The following ABHD16A variants were observed in gnomAD, a reference collection of about 807,000 sequenced individuals.
ABHD16A encodes abhydrolase domain containing 16A, phospholipase, also known as phosphatidylserine lipase ABHD16A.
ABHD16A carries 47 observed loss-of-function variants against 89.8 expected under a neutral mutation model. The observed-to-expected ratio is 0.52, with a 90% CI of 0.41 to 0.67. The LOEUF is 0.67. ABHD16A is among the 30% of genes least tolerant of loss of function. The pLI is 0.00. For synonymous variants in ABHD16A, 251 were observed against 280.4 expected (o/e 0.90, Z 1.05); for missense variants, 580 against 734.6 (o/e 0.79, Z 2.43).
intron 2 of ABHD16A, 82 bp downstream of exon 2, chr6:31,701,992 G>A (rs1184731341): frequency 2.6e-5 from 39 of 1,511,684 alleles, no homozygotes; most frequent in Non-Finnish European, 3.5e-5. Context: ...GGGCACTGTT[G>A]CTCCCAAGTT....
At position 31,703,064 on chromosome 6, in the gene ABHD16A, T is replaced by A. The variant is rs1805184774; in HGVS notation, c.132+86A>T. 4 of 1,370,316 alleles carry A rather than the reference T, an allele frequency of 2.9e-6. No individual in the cohort carries two copies. The African/African-American group carries it at 5.9e-5, about 20-fold the overall frequency. 84.9% of individuals were successfully genotyped at this position (1,370,316 alleles called of 1,614,324 possible). A position where few individuals can be genotyped will look rare whatever the true frequency, so the allele number is the denominator to read the frequency against. On this transcript the variant is annotated intron_variant, in intron 1 of 19. Transcript: ENST00000395952. ...GCTTGACAAGCAGGCTCCCCTTATT[T>A]CCCATTATGGGCACTTCTGGGGAGC...
rs1263191650 is a variant in ABHD16A, at chr6:31,703,238, T to C, written c.44A>G (p.Lys15Arg). 1.4e-6 allele frequency: 2 copies of C among 1,435,524 alleles called. No individual in the cohort carries two copies. The highest frequency in any genetic ancestry group is 1.5e-5 in the African/African-American group (1 of 67,692). The allele number at this position is 1,435,524 out of a possible 1,614,324, so 88.9% of individuals were successfully genotyped here. A position where few individuals can be genotyped will look rare whatever the true frequency, so the allele number is the denominator to read the frequency against. Residue 15 changes from lysine to arginine, a missense_variant, in exon 1 of 20, where the codon AAA becomes AGA. Physicochemically the swap from Lys to Arg is conservative, Grantham distance 26. Around this residue, in one of 2 missense-constraint regions of ABHD16A, gnomAD observed 165 missense variants for 165.8 expected, o/e 1.00. Coordinates refer to ENST00000395952, the MANE Select transcript of ABHD16A (RefSeq NM_021160.3). ...TTCAGAGTCCCTCTCCCGGTAGATT[T>C]TGTAGAGCCGGGGGCCTAGGACGCA... ...LSCVLGPRLY[K>R]IYRERDSERA...
chr6:31,687,434 C>G lies in ABHD16A; in HGVS notation c.1593+64G>C. ...CACTTCCAATGCTTATAGGGTATCC[C>G]CAGTCCCCCTATGTGAGCCCTGGCC... On this transcript the variant is annotated intron_variant, in intron 19 of 19. Coordinates refer to ENST00000395952, the MANE Select transcript of ABHD16A (RefSeq NM_021160.3). The surrounding 1 kb of genome is among the most constrained non-coding windows in gnomAD (Gnocchi z 6.3). 11 of 1,608,676 alleles carry G rather than the reference C, an allele frequency of 6.8e-6. No homozygotes were observed. The highest frequency in any genetic ancestry group is 9.4e-6 in the Non-Finnish European group (11 of 1,175,982).
In ABHD16A at chr6:31,690,954, C is replaced by T. The variant is rs2151229509; in HGVS notation, c.844-352G>A. The stretch of plus-strand genomic sequence containing the variant: ...TTGCTATTGTGTGGTATGCTGATTG[C>T]TCTCCCTATCCCTCTCTGAGCTCCA... On this transcript the variant is annotated intron_variant, in intron 9 of 19. Transcript: ENST00000395952. This position sits in a 1 kb window ranked among gnomAD's most constrained non-coding sequence, Gnocchi z 4.1. Among the ~76,000 whole-genome samples, 1 of 152,242 alleles carries T rather than the reference C, an allele frequency of 6.6e-6. No individual in the cohort carries two copies. Among genetic ancestry groups the T allele is most frequent in the Middle Eastern group, 3.4e-3 (1 of 294 alleles).
chr6:31,687,167 T>C lies in ABHD16A; in HGVS notation c.*45A>G. Reference sequence around the variant, plus strand: ...TCACAAATAAGAGGGTCTTTCCTCATGTCTCCTCTCACCCCATTCTTCCAT... The same window carrying C: ...TCACAAATAAGAGGGTCTTTCCTCACGTCTCCTCTCACCCCATTCTTCCAT... On this transcript the variant is annotated 3_prime_UTR_variant, in exon 20 of 20. Transcript: ENST00000395952. This position sits in a 1 kb window ranked among gnomAD's most constrained non-coding sequence, Gnocchi z 6.3. 6.5e-7 allele frequency: 1 copy of C among 1,540,132 alleles called. No homozygotes were observed. The highest frequency in any genetic ancestry group is 8.9e-7 in the Non-Finnish European group (1 of 1,117,532).
In ABHD16A at chr6:31,690,708, G is replaced by A. The variant is rs914927487; in HGVS notation, c.844-106C>T. The A allele has an allele frequency of 1.1e-4, 108 of 1,008,606 alleles. No homozygotes were observed. Among genetic ancestry groups the A allele is most frequent in the Non-Finnish European group, 1.6e-4 (102 of 643,902 alleles). 62.5% of individuals were successfully genotyped at this position (1,008,606 alleles called of 1,614,324 possible). A position where few individuals can be genotyped will look rare whatever the true frequency, so the allele number is the denominator to read the frequency against. On this transcript the variant is annotated intron_variant, in intron 9 of 19. Transcript: ENST00000395952. This position sits in a 1 kb window ranked among gnomAD's most constrained non-coding sequence, Gnocchi z 4.1. ...GAAGAGCTTTGCAGGGAAGAGGAAA[G>A]GGCAGGTTTCTGTTTTCTCCAAGGG...
chr6:31,694,252 T>C (rs1016838687), intron 5 of ABHD16A, among the ~76,000 whole-genome samples: 2 of 152,074 alleles, frequency 1.3e-5, no homozygotes, highest in Non-Finnish European at 2.9e-5. Context: ...AGACAAGGTC[T>C]TACTATGTTG....
chr6:31,701,807 C>T (rs1663293852), intron 2 of ABHD16A, among the ~76,000 whole-genome samples: 1 of 152,216 alleles, frequency 6.6e-6, no homozygotes, highest in African/African-American at 2.4e-5. Context: ...AACTGCAGGA[C>T]TTAGCACCTG....
rs1286652665 is a variant in ABHD16A, at chr6:31,687,918, G to A, written c.1371-18C>T. 2.5e-6 allele frequency: 4 copies of A among 1,612,694 alleles called. No homozygotes were observed. Among genetic ancestry groups the A allele is most frequent in the Non-Finnish European group, 2.5e-6 (3 of 1,180,000 alleles). ...GGGGATACCTACGGAGGAAGTGCCA[G>A]GACAGGTCAGGGCTGATTTTTTTTC... On this transcript the variant is annotated intron_variant, in intron 16 of 19. Transcript: ENST00000395952. This position sits in a 1 kb window ranked among gnomAD's most constrained non-coding sequence, Gnocchi z 6.3.
chr6:31,692,000 A>C (rs1803934801), intron 7 of ABHD16A, 82 bp from the exon 8 acceptor site: 1 of 1,098,922 alleles, frequency 9.1e-7, no homozygotes, highest in Non-Finnish European at 1.3e-6. Context: ...CCTAGCACTC[A>C]CAGACTGTAA....
At chr6:31,697,432 T>G (rs1479579241) in intron 4 of ABHD16A, among the ~76,000 whole-genome samples, 2 of 152,238 alleles carry the variant, frequency 1.3e-5, no homozygotes, top group Non-Finnish European at 2.9e-5. Context: ...CTCCAATGTT[T>G]GCTTTCTGCC....
In ABHD16A at chr6:31,688,272, G is replaced by T. The variant is rs200231878; in HGVS notation, c.1284C>A (p.Thr428=). Residue 428 remains threonine, a synonymous_variant, in exon 15 of 20, where the codon ACC becomes ACA. Transcript: ENST00000395952. This position sits in a 1 kb window ranked among gnomAD's most constrained non-coding sequence, Gnocchi z 4.9. The part of the protein sequence containing the change: ...YQGPVLLIRR[T]KDEIITTTVP... ...ACGTGGTGGTGATGATCTCATCCTT[G>T]GTTCTCCGGATCAGCAGTACAGGAC... The T allele has an allele frequency of 1.9e-6, 3 of 1,614,044 alleles. No homozygotes were observed. The highest frequency in any genetic ancestry group is 2.5e-6 in the Non-Finnish European group (3 of 1,179,966).
intron 2 of ABHD16A, 115 bp downstream of exon 2, chr6:31,701,959 G>T: frequency 8.7e-7 from 1 of 1,150,044 alleles, no homozygotes; most frequent in Non-Finnish European, 1.3e-6. Context: ...CTGCTGCAGA[G>T]CCCAGGGCAT....
At position 31,703,211 on chromosome 6, in the gene ABHD16A, C is replaced by G. The variant is rs377452871; in HGVS notation, c.71G>C (p.Arg24Thr). ...YKIYRERDSE[R>T]APASVPETPT... is the part of the protein sequence containing the mutation. ...CGTCTCAGGGACGCTGGCCGGGGCC[C>G]TTTCAGAGTCCCTCTCCCGGTAGAT... Residue 24 changes from arginine to threonine, a missense_variant, in exon 1 of 20, where the codon AGG (arginine) becomes ACG (threonine). Coordinates refer to ENST00000395952, the MANE Select transcript of ABHD16A (RefSeq NM_021160.3). 21 of 1,442,884 alleles carry G rather than the reference C, an allele frequency of 1.5e-5. No homozygotes were observed. In the African/African-American group the frequency reaches 2.9e-4, roughly 20 times the overall value. 89.4% of individuals were successfully genotyped at this position (1,442,884 alleles called of 1,614,324 possible).
At position 31,689,590 on chromosome 6, in the gene ABHD16A, C is replaced by T. The variant is rs1266693318; in HGVS notation, c.1072G>A (p.Gly358Ser). 5.6e-6 allele frequency: 9 copies of T among 1,596,648 alleles called. No homozygotes were observed. The African/African-American group carries it at 6.7e-5, about 12-fold the overall frequency. ...DIIIYAWSIG[G>S]FTATWAAMSY... ...GGAGGGAGGCTGGTACCAGTGAAGCCGCCGATGGACCAGGCGTAGATGATG... is the reference window on the plus strand; with the variant it reads ...GGAGGGAGGCTGGTACCAGTGAAGCTGCCGATGGACCAGGCGTAGATGATG... The change falls in exon 12 of 20, where the codon GGC becomes AGC. Residue 358 changes from glycine to serine, a missense_variant. Physicochemically the swap from Gly to Ser is moderately conservative, Grantham distance 56. Transcript: ENST00000395952.
intron 5 of ABHD16A, among the ~76,000 whole-genome samples, chr6:31,695,890 G>A (rs1210187734): frequency 6.6e-6 from 1 of 152,114 alleles, no homozygotes; most frequent in Non-Finnish European, 1.5e-5. Context: ...AATTGGCCAG[G>A]CACGGTGGCT....
intron 4 of ABHD16A, among the ~76,000 whole-genome samples, chr6:31,697,374 A>G (rs1804500331): frequency 6.6e-6 from 1 of 152,048 alleles, no homozygotes; most frequent in Non-Finnish European, 1.5e-5. Context: ...ATATAATACT[A>G]TTCTCCCTTG....
At position 31,688,447 on chromosome 6, in the gene ABHD16A, A is replaced by C; in HGVS notation, c.1251-142T>G. 1.1e-6 allele frequency: 1 copy of C among 901,356 alleles called. No individual in the cohort carries two copies. Among genetic ancestry groups the C allele is most frequent in the Non-Finnish European group, 1.7e-6 (1 of 574,324 alleles). 55.8% of individuals were successfully genotyped at this position (901,356 alleles called of 1,614,324 possible). Reference sequence around the variant, plus strand: ...TGACCTAGCCCTTCACTCAGGGGTGAGAGGGGATTATTTAAGGGGCATGGT... The same window carrying C: ...TGACCTAGCCCTTCACTCAGGGGTGCGAGGGGATTATTTAAGGGGCATGGT... On this transcript the variant is annotated intron_variant, in intron 14 of 19. Coordinates refer to ENST00000395952, the MANE Select transcript of ABHD16A (RefSeq NM_021160.3). This position sits in a 1 kb window ranked among gnomAD's most constrained non-coding sequence, Gnocchi z 4.9.
chr6:31,702,128 AT>A lies in ABHD16A; in HGVS notation c.134del (p.Asp45ValfsTer44). The A allele has an allele frequency of 6.2e-7, 1 of 1,613,118 alleles. No homozygotes were observed. On this transcript the variant is annotated frameshift_variant and splice_region_variant, in exon 2 of 20. Coordinates refer to ENST00000395952, the MANE Select transcript of ABHD16A (RefSeq NM_021160.3). LOFTEE classifies it high-confidence loss of function. ...AVTAPHSSSW[D>X]TYYQPRALEK... The stretch of plus-strand genomic sequence containing the variant: ...CCAGGGCACGGGGCTGATAGTACGT[AT>A]CCTGCCAAAACAGATGGCCTCCTTA...
Sources: gnomAD v4.1 joint callset for allele counts (sites outside exome capture counted in the v4.1 genomes callset) on GRCh38, gnomAD v4.1.1 for gene constraint, gnomAD v4.1.1 regional missense constraint, Gnocchi (gnomAD v3.1) non-coding constraint, MANE v1.5 for transcripts, NCBI Gene and HGNC (gene_info 2026-07-23, HGNC 2026-07-21) for gene names.